Variants in CCDC178 observed in about 807,000 individuals in gnomAD.
CCDC178 encodes coiled-coil domain containing 178.
A neutral mutation model predicts 117.4 loss-of-function variants in CCDC178; 126 were observed. That is an observed-to-expected ratio of 1.07 (90% confidence interval 0.93 to 1.24). The LOEUF is 1.24. CCDC178 is among the 50% of genes most tolerant of loss of function. CCDC178 has a pLI of 0.00. For missense variants in CCDC178, 1,030 were observed against 986.9 expected, an observed-to-expected ratio of 1.04 and a Z score of -0.59; for synonymous variants, 283 against 313.4, an observed-to-expected ratio of 0.90 and a Z score of 1.02.
chr18:33,199,346 T>C (rs576151421), intron 20 of CCDC178, among the ~76,000 whole-genome samples: 84 of 152,278 alleles, frequency 5.5e-4, no homozygotes, highest in Middle Eastern at 3.4e-3. Flanking sequence ...CACTCAATGG[T>C]CTCCTGGTCA....
chr18:33,240,276 A>G (rs1225118486), intron 15 of CCDC178, among the ~76,000 whole-genome samples: 1 of 151,830 alleles, frequency 6.6e-6, no homozygotes, highest in Non-Finnish European at 1.5e-5. Context: ...TGCATACACT[A>G]CTTAGAAAGA....
At chr18:33,237,319 C>T (rs902227357) in intron 15 of CCDC178, among the ~76,000 whole-genome samples, 1 of 152,152 alleles carries the variant, frequency 6.6e-6, no homozygotes, top group Non-Finnish European at 1.5e-5. Flanking sequence ...ATCTGAGTCC[C>T]ACCCAGGGCA....
intron 9 of CCDC178, among the ~76,000 whole-genome samples, chr18:33,334,175 A>G (rs533935829): frequency 2.4e-4 from 36 of 152,314 alleles, no homozygotes; most frequent in African/African-American, 8.4e-4. Context: ...AACATAAAAA[A>G]TGCTTACCTA....
intron 7 of CCDC178, among the ~76,000 whole-genome samples, 181 bp downstream of exon 7, chr18:33,356,143 T>C (rs1290674713): frequency 6.6e-6 from 1 of 152,174 alleles, no homozygotes; most frequent in Non-Finnish European, 1.5e-5. Flanking sequence ...TGGAGATCTC[T>C]AGTTTGCCAT....
intron 11 of CCDC178, among the ~76,000 whole-genome samples, chr18:33,320,196 C>T (rs1319719398): frequency 6.6e-6 from 1 of 152,130 alleles, no homozygotes; most frequent in Non-Finnish European, 1.5e-5. Flanking sequence ...ACAGGGATGC[C>T]CTCTCTCACC....
chr18:33,337,848 G>A (rs1042467631), intron 9 of CCDC178, among the ~76,000 whole-genome samples: 2 of 152,048 alleles, frequency 1.3e-5, no homozygotes, highest in Non-Finnish European at 2.9e-5. Flanking sequence ...CAATGCCTTA[G>A]GCAAAGACTT....
chr18:33,279,956 A>G (rs1036657490), intron 12 of CCDC178, among the ~76,000 whole-genome samples: 1 of 152,086 alleles, frequency 6.6e-6, no homozygotes, highest in Non-Finnish European at 1.5e-5. Flanking sequence ...TTAATTAAAG[A>G]CGGATTAAAG....
intron 22 of CCDC178, among the ~76,000 whole-genome samples, chr18:32,950,759 A>C (rs2054464231): frequency 6.6e-6 from 1 of 152,240 alleles, no homozygotes; most frequent in South Asian, 2.1e-4. Context: ...TAGTAATTTT[A>C]GGAAAATATT....
chr18:33,282,720 T>C (rs367656701), intron 12 of CCDC178, among the ~76,000 whole-genome samples: 2 of 152,148 alleles, frequency 1.3e-5, no homozygotes, highest in African/African-American at 4.8e-5. Flanking sequence ...GAGTTTTTGC[T>C]TTACTTGCCC....
At chr18:33,223,708 A>G (rs1406814841) in intron 17 of CCDC178, among the ~76,000 whole-genome samples, 1 of 152,154 alleles carries the variant, frequency 6.6e-6, no homozygotes, top group African/African-American at 2.4e-5. Flanking sequence ...AAAGATCATT[A>G]ATCTTTTCTG....
chr18:33,406,846 C>A (rs975741835), intron 3 of CCDC178, among the ~76,000 whole-genome samples: 1 of 152,122 alleles, frequency 6.6e-6, no homozygotes, highest in Non-Finnish European at 1.5e-5. Flanking sequence ...AACAGAAATT[C>A]TGGCAAACAT....
chr18:33,173,355 A>G (rs1001073053), intron 20 of CCDC178, among the ~76,000 whole-genome samples: 4 of 152,122 alleles, frequency 2.6e-5, no homozygotes, highest in Admixed American at 2.0e-4. Context: ...GCTTGCATTC[A>G]GTTTTATAGA....
intron 21 of CCDC178, among the ~76,000 whole-genome samples, chr18:32,998,333 C>G (rs1181147685): frequency 6.6e-6 from 1 of 152,136 alleles, no homozygotes; most frequent in Non-Finnish European, 1.5e-5. Context: ...CCCCCGAGTT[C>G]CAGCAAGCCT....
rs533021625 is a variant in CCDC178, at chr18:33,020,091, G to C, written c.2389-45410C>G. 4.0e-5 allele frequency among the ~76,000 whole-genome samples: 6 copies of C among 150,300 alleles called. No individual in the cohort carries two copies. The East Asian group carries it at 1.2e-3, about 29-fold the overall frequency. On this transcript the variant is annotated intron_variant, in intron 21 of 22. Coordinates refer to ENST00000383096, the MANE Select transcript of CCDC178 (RefSeq NM_001105528.4). ...CTCCCAAGTAGCTGGGATTATAGGTGCCTGCCACCACAACCGGATAATTGG... is the reference window on the plus strand; with the variant it reads ...CTCCCAAGTAGCTGGGATTATAGGTCCCTGCCACCACAACCGGATAATTGG...
chr18:32,970,254 A>T (rs138511045), intron 22 of CCDC178, among the ~76,000 whole-genome samples: 1 of 152,020 alleles, frequency 6.6e-6, no homozygotes, highest in African/African-American at 2.4e-5. Context: ...CCAACTGTAG[A>T]TCTGCCAGTC....
chr18:33,087,172 C>T (rs540603573), intron 21 of CCDC178, among the ~76,000 whole-genome samples: 2 of 152,166 alleles, frequency 1.3e-5, no homozygotes, highest in East Asian at 3.9e-4. Flanking sequence ...TGCCACTCTA[C>T]CAGAATAAAA....
chr18:33,287,709 G>A (rs1378492271), intron 12 of CCDC178, among the ~76,000 whole-genome samples: 3 of 152,160 alleles, frequency 2.0e-5, no homozygotes, highest in Non-Finnish European at 4.4e-5. Flanking sequence ...ACCTCAGGCG[G>A]CAGAGGTTGC....
intron 22 of CCDC178, among the ~76,000 whole-genome samples, chr18:32,941,520 T>C (rs1598707952): frequency 6.6e-6 from 1 of 152,166 alleles, no homozygotes; most frequent in Non-Finnish European, 1.5e-5. Flanking sequence ...TAATAATTTA[T>C]TAGAGATTTT....
chr18:33,240,224 C>T (rs2059471423), intron 15 of CCDC178, among the ~76,000 whole-genome samples: 1 of 151,610 alleles, frequency 6.6e-6, no homozygotes, highest in South Asian at 2.1e-4. Flanking sequence ...ATTTATAGGG[C>T]ACAGCAAAAG....
Sources: gnomAD v4.1 joint callset for allele counts (sites outside exome capture counted in the v4.1 genomes callset) on GRCh38, gnomAD v4.1.1 for gene constraint, MANE v1.5 for transcripts, NCBI Gene and HGNC (gene_info 2026-07-23, HGNC 2026-07-21) for gene names.